Variants in MYZAP observed in about 807,000 individuals in gnomAD.
The protein encoded by MYZAP is GRINL1A complex locus upstream.
In MYZAP, 66 loss-of-function variants were observed where a neutral mutation model predicts 69.4. That is an observed-to-expected ratio of 0.95 (90% CI 0.78 to 1.17). The LOEUF (loss-of-function observed/expected upper bound fraction) is 1.17. Ranked by LOEUF, MYZAP falls within the 50% of genes most tolerant of loss-of-function variation. The pLI is 0.00. For synonymous variants in MYZAP, 256 were observed against 205.9 expected (o/e 1.24, Z -2.09); for missense variants, 611 against 556.2 (o/e 1.10, Z -0.99).
At position 57,621,635 on chromosome 15, in the gene MYZAP, A is replaced by G; in HGVS notation, c.346A>G (p.Lys116Glu). 6.2e-7 allele frequency: 1 copy of G among 1,613,834 alleles called. No individual in the cohort carries two copies. Among genetic ancestry groups the G allele is most frequent in the Non-Finnish European group, 8.5e-7 (1 of 1,179,806 alleles). The change falls in exon 4 of 13, where the codon AAG becomes GAG. Residue 116 changes from lysine (K) to glutamate (E), a missense_variant. Physicochemically the swap from Lys to Glu is moderately conservative, Grantham distance 56. Transcript: ENST00000267853. ...GAGAGCCACTTTGGAAAAGGTGAGA[A>G]AGCGAATGTATGGAGACTATGATGA... ...DVRATLEKVRKRMYGDYDEMR... is the reference protein window; with the variant it reads ...DVRATLEKVRERMYGDYDEMR...
intron 4 of MYZAP, among the ~76,000 whole-genome samples, chr15:57,623,696 G>A (rs1300708955): frequency 6.6e-6 from 1 of 150,412 alleles, no homozygotes; most frequent in African/African-American, 2.5e-5. Flanking sequence ...CTGTGCCACT[G>A]CACTCCAGTC....
intron 2 of MYZAP, 86 bp downstream of exon 2, chr15:57,604,441 C>T: frequency 6.8e-7 from 1 of 1,472,912 alleles, no homozygotes; most frequent in Non-Finnish European, 9.4e-7. Flanking sequence ...AGGCCATTCC[C>T]AGAGGCTGGG....
chr15:57,643,147 T>C (rs1401911958), intron 10 of MYZAP, among the ~76,000 whole-genome samples: 2 of 152,098 alleles, frequency 1.3e-5, no homozygotes, highest in Admixed American at 1.3e-4. Flanking sequence ...GTGCCTCTTA[T>C]AGCCGGAAAA....
intron 1 of MYZAP, among the ~76,000 whole-genome samples, chr15:57,592,931 C>G (rs1021244372): frequency 6.6e-6 from 1 of 152,144 alleles, no homozygotes; most frequent in Non-Finnish European, 1.5e-5. Flanking sequence ...CTGATTGAGA[C>G]TTCTGTAATC....
At chr15:57,662,061 G>A (rs538978909) in intron 11 of MYZAP, among the ~76,000 whole-genome samples, 1 of 152,298 alleles carries the variant, frequency 6.6e-6, no homozygotes, top group South Asian at 2.1e-4. Context: ...GTGAAGATGT[G>A]TTAGAGGGGA....
At chr15:57,617,671 G>A (rs1276302063) in intron 2 of MYZAP, among the ~76,000 whole-genome samples, 4 of 152,214 alleles carry the variant, frequency 2.6e-5, no homozygotes, top group Non-Finnish European at 5.9e-5. Flanking sequence ...GTCATATGGA[G>A]AAGCTGGGAT....
rs1366873875 is a variant in MYZAP, at chr15:57,615,355, C to A, written c.163-2678C>A. Among the ~76,000 whole-genome samples the A allele has an allele frequency of 2.0e-5, 3 of 152,300 alleles. No individual in the cohort carries two copies. The East Asian group carries it at 5.8e-4, about 29-fold the overall frequency. ...TCACTCAGTGTATCTTGATCTCTTT[C>A]TGTGTGTACAACTTTGAGACCTGGG... On this transcript the variant is annotated intron_variant, in intron 2 of 12. Transcript: ENST00000267853.
rs1318691445 is a variant in MYZAP at position 57,632,486 on chromosome 15, A to G, written c.731A>G (p.Lys244Arg). Residue 244 changes from lysine (K) to arginine (R), a missense_variant, in exon 7 of 13, where the codon AAG becomes AGG. Transcript: ENST00000267853. ...NAEVMREMTKKLYSQYEEKLQ... is the reference protein window; with the variant it reads ...NAEVMREMTKRLYSQYEEKLQ... The stretch of plus-strand genomic sequence containing the variant: ...GAGGTGATGCGAGAGATGACCAAGA[A>G]GCTGTACAGCCAGTATGAGGAGAAG... 4.3e-6 allele frequency: 7 copies of G among 1,614,132 alleles called. No homozygotes were observed. Among genetic ancestry groups the G allele is most frequent in the Admixed American group, 3.3e-5 (2 of 60,012 alleles).
intron 2 of MYZAP, among the ~76,000 whole-genome samples, chr15:57,609,169 C>A (rs1413593559): frequency 6.6e-6 from 1 of 152,206 alleles, no homozygotes; most frequent in African/African-American, 2.4e-5. Context: ...ATTCTCTCTT[C>A]CCAAAGCCTA....
At position 57,625,904 on chromosome 15, in the gene MYZAP, C is replaced by T; in HGVS notation, c.525+12C>T. The T allele has an allele frequency of 6.2e-7, 1 of 1,612,174 alleles. No individual in the cohort carries two copies. The highest frequency in any genetic ancestry group is 1.1e-5 in the South Asian group (1 of 91,022). ...CCATTGGCCTGCAGGTACTCATCTGCTTACTGCTATGACAGGGCAACCCAG... is the reference window on the plus strand; with the variant it reads ...CCATTGGCCTGCAGGTACTCATCTGTTTACTGCTATGACAGGGCAACCCAG... On this transcript the variant is annotated intron_variant, in intron 5 of 12. Transcript: ENST00000267853.
At chr15:57,680,758 A>G (rs1209972646) in intron 12 of MYZAP, 1 of 152,182 alleles carries the variant, frequency 6.6e-6, no homozygotes, top group Non-Finnish European at 1.5e-5. Context: ...ATGATGAAAA[A>G]TATTCCCCAT....
chr15:57,632,575 C>T lies in MYZAP; in HGVS notation c.804+16C>T. ...GGCTCTTTTGGTGTGTGTGTTGTAG[C>T]TGCCGATGTAAACTTACCGGGAATT... On this transcript the variant is annotated intron_variant, in intron 7 of 12. Coordinates refer to ENST00000267853, the MANE Select transcript of MYZAP (RefSeq NM_001018100.5). 6 of 1,613,244 alleles carry T rather than the reference C, an allele frequency of 3.7e-6. No individual in the cohort carries two copies. The highest frequency in any genetic ancestry group is 5.1e-6 in the Non-Finnish European group (6 of 1,179,744).
At chr15:57,676,410 GTATATA>G (rs766570205) in intron 12 of MYZAP, among the ~76,000 whole-genome samples, 1,619 of 25,614 alleles carry the variant, frequency 0.063, 35 homozygotes, top group African/African-American at 0.11. Context: ...ATATATATAT[GTATATA>G]TATGTGTATA....
At chr15:57,621,205 C>CTTTTTTTTTTTTTTTTT (rs61201214) in intron 3 of MYZAP, among the ~76,000 whole-genome samples, 23 of 127,314 alleles carry the variant, frequency 1.8e-4, no homozygotes, top group African/African-American at 4.7e-4. Flanking sequence ...CTTTCTTTTT[C>CTTTTTTTTTTTTTTTTT]TTTTTTTTTT....
intron 9 of MYZAP, 140 bp downstream of exon 9, chr15:57,637,914 G>C (rs1206109170): frequency 1.1e-6 from 1 of 884,752 alleles, no homozygotes; most frequent in Non-Finnish European, 1.7e-6. Context: ...ATTGGGCTGA[G>C]AGTTTCCAAT....
intron 11 of MYZAP, among the ~76,000 whole-genome samples, chr15:57,672,996 A>G (rs556250597): frequency 6.6e-6 from 1 of 152,288 alleles, no homozygotes; most frequent in African/African-American, 2.4e-5. Context: ...AAATCATGCC[A>G]TATTTCTTTA....
At chr15:57,619,678 A>T (rs2035691853) in intron 3 of MYZAP, among the ~76,000 whole-genome samples, 1 of 152,212 alleles carries the variant, frequency 6.6e-6, no homozygotes, top group Admixed American at 6.5e-5. Flanking sequence ...AACCATTCAG[A>T]ATATTCAATT....
At chr15:57,631,465 GA>G (rs58374321) in intron 6 of MYZAP, among the ~76,000 whole-genome samples, 1 of 149,578 alleles carries the variant, frequency 6.7e-6, no homozygotes, top group African/African-American at 2.5e-5. Context: ...CCCAAATTGG[GA>G]AAAAAAAAAA....
In MYZAP at chr15:57,662,283, T is replaced by G. The variant is rs536152928; in HGVS notation, c.1203+750T>G. On this transcript the variant is annotated intron_variant, in intron 11 of 12. Coordinates refer to ENST00000267853, the MANE Select transcript of MYZAP (RefSeq NM_001018100.5). ...TTTGAGACTTCCTGAAAAGCTGGTT[T>G]GCCAAGCACCTGTCCTTATCTGTGT... 2.2e-4 allele frequency among the ~76,000 whole-genome samples: 34 copies of G among 152,344 alleles called. No individual in the cohort carries two copies. The East Asian group carries it at 2.5e-3, about 11-fold the overall frequency.
Sources: allele counts gnomAD v4.1 joint callset (sites outside exome capture counted in the v4.1 genomes callset), GRCh38; gene constraint gnomAD v4.1.1; transcripts MANE v1.5; gene names NCBI Gene and HGNC (gene_info 2026-07-23, HGNC 2026-07-21).